SLC24A3: variants seen among roughly 807,000 people sequenced by gnomAD.
SLC24A3 encodes solute carrier family 24 member 3.
In SLC24A3, 28 loss-of-function variants were observed where a neutral mutation model predicts 75.8. The observed-to-expected ratio is 0.37, with a 90% CI of 0.27 to 0.51. SLC24A3 has a LOEUF of 0.51. SLC24A3 is among the 20% of genes least tolerant of loss of function. SLC24A3 has a pLI of 0.94. For missense variants in SLC24A3, 663 were observed against 847.8 expected, an observed-to-expected ratio of 0.78 and a Z score of 2.71; for synonymous variants, 372 against 334.1, an observed-to-expected ratio of 1.11 and a Z score of -1.24.
At chr20:19,305,533 G>A (rs1200036946) in intron 2 of SLC24A3, among the ~76,000 whole-genome samples, 9 of 151,932 alleles carry the variant, frequency 5.9e-5, no homozygotes, top group Admixed American at 5.9e-4. Flanking sequence ...GTTTACACCA[G>A]GTATGACTTG....
Position 19,217,432 on chromosome 20 carries a change from T to C in SLC24A3, c.142+4448T>C, listed in dbSNP as rs151310834. Reference sequence around the variant, plus strand: ...ACATATGCATACATACAAACATATATAGACAAACATACACACAGACGTATG... The same window carrying C: ...ACATATGCATACATACAAACATATACAGACAAACATACACACAGACGTATG... On this transcript the variant is annotated intron_variant, in intron 1 of 16. Transcript: ENST00000328041. 4.1e-3 allele frequency among the ~76,000 whole-genome samples: 630 copies of C among 152,334 alleles called. 3 individuals carry two copies. Among genetic ancestry groups the C allele is most frequent in the African/African-American group, 0.015 (609 of 41,568 alleles).
At position 19,496,978 on chromosome 20, in the gene SLC24A3, T is replaced by C. The variant is rs554542652; in HGVS notation, c.272-18510T>C. The stretch of plus-strand genomic sequence containing the variant: ...CTGAGCTCTTTTGCAAGCCCCAGTA[T>C]CAACTCCTTCTGCCTTCTCCTTGTG... On this transcript the variant is annotated intron_variant, in intron 2 of 16. Coordinates refer to ENST00000328041, the MANE Select transcript of SLC24A3 (RefSeq NM_020689.4). 1.6e-4 allele frequency among the ~76,000 whole-genome samples: 25 copies of C among 152,302 alleles called. No homozygotes were observed. The South Asian group carries it at 5.0e-3, about 30-fold the overall frequency.
At chr20:19,534,712 G>A (rs1460425169) in intron 3 of SLC24A3, among the ~76,000 whole-genome samples, 1 of 152,138 alleles carries the variant, frequency 6.6e-6, no homozygotes, top group Non-Finnish European at 1.5e-5. Flanking sequence ...GCCCCAAAAA[G>A]TATTTTTAGC....
intron 2 of SLC24A3, among the ~76,000 whole-genome samples, chr20:19,513,046 A>G (rs2029912943): frequency 6.6e-6 from 1 of 152,128 alleles, no homozygotes; most frequent in Non-Finnish European, 1.5e-5. Flanking sequence ...AGGAGAGGTG[A>G]CCTTTCAACC....
At chr20:19,530,234 A>C (rs2030272248) in intron 3 of SLC24A3, among the ~76,000 whole-genome samples, 1 of 152,224 alleles carries the variant, frequency 6.6e-6, no homozygotes, top group Non-Finnish European at 1.5e-5. Flanking sequence ...ACATGGGCAG[A>C]GACTTTTGTT....
intron 1 of SLC24A3, among the ~76,000 whole-genome samples, chr20:19,236,523 G>A (rs1982172134): frequency 2.0e-5 from 3 of 151,988 alleles, no homozygotes; most frequent in South Asian, 2.1e-4. Flanking sequence ...AGGCTGGGGT[G>A]GGAGGATTGC....
rs1336339092 is a variant in SLC24A3 at position 19,363,735 on chromosome 20, A to T, written c.271+82648A>T. Among the ~76,000 whole-genome samples, 2 of 152,218 alleles carry T rather than the reference A, an allele frequency of 1.3e-5. 1 individual carries two copies. Among genetic ancestry groups the T allele is most frequent in the African/African-American group, 4.8e-5 (2 of 41,464 alleles). ...ACAACAGACTGTTTGGAGCCTTAAC[A>T]ATCGCTTATTTTGTATTGGATGTTT... On this transcript the variant is annotated intron_variant, in intron 2 of 16. Coordinates refer to ENST00000328041, the MANE Select transcript of SLC24A3 (RefSeq NM_020689.4).
rs2033101419 is a variant in SLC24A3 at position 19,721,181 on chromosome 20, T to A, written c.*41T>A. On this transcript the variant is annotated 3_prime_UTR_variant, in exon 17 of 17. Coordinates refer to ENST00000328041, the MANE Select transcript of SLC24A3 (RefSeq NM_020689.4). ...CAGAGGCTCAGCTCCTTCTTTTCTG[T>A]GCAATACGAGACCCGGCCGCACCCC... The A allele has an allele frequency of 6.2e-7, 1 of 1,610,626 alleles. No homozygotes were observed. The highest frequency in any genetic ancestry group is 1.3e-5 in the African/African-American group (1 of 74,874).
At chr20:19,272,894 G>T in intron 1 of SLC24A3, among the ~76,000 whole-genome samples, 1 of 152,152 alleles carries the variant, frequency 6.6e-6, no homozygotes, top group East Asian at 1.9e-4. Context: ...GTGGGGGTCA[G>T]GGACGGGTGA....
chr20:19,361,782 A>G (rs1382753818), intron 2 of SLC24A3, among the ~76,000 whole-genome samples: 1 of 152,252 alleles, frequency 6.6e-6, no homozygotes, highest in Non-Finnish European at 1.5e-5. Context: ...TATATTTGTG[A>G]AAAAACAAGT....
chr20:19,529,303 G>A (rs1107684), intron 3 of SLC24A3, among the ~76,000 whole-genome samples: 131,141 of 152,146 alleles, frequency 0.86, 56,755 homozygotes, highest in Middle Eastern at 0.91. Flanking sequence ...TGAGGTTTTA[G>A]AAGACAAAAT....
intron 2 of SLC24A3, among the ~76,000 whole-genome samples, chr20:19,459,817 C>T (rs868078494): frequency 2.6e-5 from 4 of 152,190 alleles, no homozygotes; most frequent in South Asian, 2.1e-4. Flanking sequence ...CTCCCACCCC[C>T]ATTTGGACCA....
chr20:19,278,672 G>C (rs1983561177), intron 1 of SLC24A3, among the ~76,000 whole-genome samples: 1 of 152,124 alleles, frequency 6.6e-6, no homozygotes, highest in African/African-American at 2.4e-5. Context: ...CTCATAATCT[G>C]GGCTAAGCTG....
chr20:19,389,598 T>C (rs1986333011), intron 2 of SLC24A3, among the ~76,000 whole-genome samples: 5 of 152,160 alleles, frequency 3.3e-5, no homozygotes, highest in Admixed American at 3.3e-4. Flanking sequence ...CTTCTGATAG[T>C]CTAACAGACA....
chr20:19,216,322 A>C (rs1228610384), intron 1 of SLC24A3, among the ~76,000 whole-genome samples: 1 of 152,204 alleles, frequency 6.6e-6, no homozygotes, highest in Non-Finnish European at 1.5e-5. Flanking sequence ...GTGTGGATAA[A>C]GCCCAGGGAT....
intron 3 of SLC24A3, among the ~76,000 whole-genome samples, chr20:19,578,537 C>G (rs1347461046): frequency 6.6e-6 from 1 of 151,874 alleles, no homozygotes; most frequent in Admixed American, 6.6e-5. Context: ...CCCTTACAGA[C>G]CTGTCCCTGA....
At chr20:19,357,620 G>T (rs960536396) in intron 2 of SLC24A3, among the ~76,000 whole-genome samples, 2 of 152,162 alleles carry the variant, frequency 1.3e-5, no homozygotes, top group Non-Finnish European at 2.9e-5. Flanking sequence ...TGTAGTCAGT[G>T]TGCCATTTCT....
chr20:19,279,329 G>T (rs1983587161), intron 1 of SLC24A3, among the ~76,000 whole-genome samples: 1 of 152,302 alleles, frequency 6.6e-6, no homozygotes. Context: ...CATTCAAGAG[G>T]CAGCATTGCC....
chr20:19,253,578 C>T (rs757709858), intron 1 of SLC24A3, among the ~76,000 whole-genome samples: 2 of 152,200 alleles, frequency 1.3e-5, no homozygotes, highest in South Asian at 2.1e-4. Flanking sequence ...GTACACCCTC[C>T]GTGGCCTTCT....
Sources: gnomAD v4.1 joint callset for allele counts (sites outside exome capture counted in the v4.1 genomes callset) on GRCh38, gnomAD v4.1.1 for gene constraint, MANE v1.5 for transcripts, NCBI Gene and HGNC (gene_info 2026-07-23, HGNC 2026-07-21) for gene names.